Variants in RPL15 observed in about 807,000 individuals in gnomAD.
RPL15 encodes the protein large ribosomal subunit protein eL15.
For synonymous variants in RPL15, 97 were observed against 95.1 expected, an observed-to-expected ratio of 1.02 and a Z score of -0.12; for missense variants, 161 against 271.8, an observed-to-expected ratio of 0.59 and a Z score of 2.87.
In RPL15 at chr3:23,919,325, G is replaced by A. The variant is rs534301057; in HGVS notation, c.439G>A (p.Asp147Asn). 83 of 1,603,676 alleles carry A rather than the reference G, an allele frequency of 5.2e-5. 1 individual carries two copies. In the South Asian group the frequency reaches 9.0e-4, roughly 17 times the overall value. ...PFHKAIRRNP[D>N]TQWITKPVHK... is the part of the protein sequence containing the mutation. Reference sequence around the variant, plus strand: ...CCATAAAGCTATCAGAAGAAATCCTGACACCCAGTGGATCACCAAACCAGT... The same window carrying A: ...CCATAAAGCTATCAGAAGAAATCCTAACACCCAGTGGATCACCAAACCAGT... The change falls in exon 4 of 4, where the codon GAC (aspartate) becomes AAC (asparagine). Residue 147 changes from aspartate to asparagine, a missense_variant. By Grantham distance (23) the Asp-to-Asn change is conservative (BLOSUM62 1). Transcript: ENST00000307839.
chr3:23,924,030 G>A (rs1705164220), downstream of RPL15: 1 of 152,138 alleles, frequency 6.6e-6, no homozygotes, highest in Non-Finnish European at 1.5e-5. Context: ...TTCCCTCCAA[G>A]AAAAACAACA....
rs890597613 is a variant in RPL15 at position 23,920,394 on chromosome 3, T to C, written c.*893T>C. ...CACAAGCGCATGGTTTCCAACCATA[T>C]GTGTTTTCTGCAGTTATTTCTCTTG... On this transcript the variant is annotated 3_prime_UTR_variant, in exon 4 of 4. Transcript: ENST00000307839. 6 of 985,246 alleles carry C rather than the reference T, an allele frequency of 6.1e-6. No individual in the cohort carries two copies. The African/African-American group carries it at 7.0e-5, about 11-fold the overall frequency. 61.0% of individuals were successfully genotyped at this position (985,246 alleles called of 1,614,324 possible).
At chr3:23,921,729 C>T (rs960809575), downstream of RPL15, 8 of 629,600 alleles carry the variant, frequency 1.3e-5, no homozygotes, top group African/African-American at 1.1e-4. Flanking sequence ...CGCACACTGC[C>T]ATGCCCAGCT....
downstream of RPL15, chr3:23,923,558 CAT>C (rs1439417733): frequency 6.6e-6 from 1 of 152,144 alleles, no homozygotes; most frequent in Non-Finnish European, 1.5e-5. Context: ...GGTATCCCAT[CAT>C]GTGGATGTAC....
chr3:23,919,912 G>A lies in RPL15; in HGVS notation c.*411G>A, dbSNP rs1216580404. 6.1e-6 allele frequency: 6 copies of A among 991,548 alleles called. No homozygotes were observed. Among genetic ancestry groups the A allele is most frequent in the Non-Finnish European group, 7.2e-6 (6 of 833,812 alleles). The allele number at this position is 991,548 out of a possible 1,614,324, so 61.4% of individuals were successfully genotyped here. Reference sequence around the variant, plus strand: ...CTGCGTTTTTTTTAGTTTGGCAGGTGTAGACTTTTTAAGTTGGGCTTTAGA... The same window carrying A: ...CTGCGTTTTTTTTAGTTTGGCAGGTATAGACTTTTTAAGTTGGGCTTTAGA... On this transcript the variant is annotated 3_prime_UTR_variant, in exon 4 of 4. Coordinates refer to ENST00000307839, the MANE Select transcript of RPL15 (RefSeq NM_002948.5).
rs1358216325 is a variant in RPL15 at position 23,918,003 on chromosome 3, G to A, written c.144G>A (p.Ala48=). The A allele has an allele frequency of 5.6e-6, 9 of 1,610,416 alleles. No individual in the cohort carries two copies. The highest frequency in any genetic ancestry group is 6.8e-6 in the Non-Finnish European group (8 of 1,178,914). ...CCCGCCCCACCCGGCCTGATAAAGCGCGCCGACTGGGCTACAAGGCCAAGC... is the reference window on the plus strand; with the variant it reads ...CCCGCCCCACCCGGCCTGATAAAGCACGCCGACTGGGCTACAAGGCCAAGC... ...RAPRPTRPDK[A]RRLGYKAKQG... The change falls in exon 2 of 4, where the codon GCG becomes GCA. Residue 48 remains alanine, a synonymous_variant. Transcript: ENST00000307839.
At chr3:23,921,569 A>AGTTGT, downstream of RPL15, 3 of 512,706 alleles carry the variant, frequency 5.9e-6, no homozygotes, top group Middle Eastern at 5.3e-4. Flanking sequence ...TTGATTATTG[A>AGTTGT]GTTTTTTTTT....
At chr3:23,924,061 C>G (rs145134099), downstream of RPL15, 1 of 152,354 alleles carries the variant, frequency 6.6e-6, no homozygotes, top group Non-Finnish European at 1.5e-5. Flanking sequence ...CTCCTCCACA[C>G]TTCCCACAAC....
rs1307333347 is a variant in RPL15 at position 23,919,484 on chromosome 3, C to G, written c.598C>G (p.Leu200Val). The change falls in exon 4 of 4, where the codon CTC becomes GTC. Residue 200 changes from leucine (L) to valine (V), a missense_variant. Leu to Val is a conservative substitution (Grantham distance 32, BLOSUM62 1). Coordinates refer to ENST00000307839, the MANE Select transcript of RPL15 (RefSeq NM_002948.5). ...TTGGAGAAGGCGCAATACTCTCCAG[C>G]TCCACCGTTACCGCTAATATAAGTA... ...AAWRRRNTLQ[L>V]HRYR The G allele has an allele frequency of 6.3e-7, 1 of 1,576,514 alleles. No individual in the cohort carries two copies. Among genetic ancestry groups the G allele is most frequent in the Non-Finnish European group, 8.6e-7 (1 of 1,167,352 alleles).
downstream of RPL15, chr3:23,921,764 T>A: frequency 1.7e-6 from 1 of 597,838 alleles, no homozygotes; most frequent in South Asian, 2.0e-5. Flanking sequence ...TAGTAGAGAC[T>A]GGGTTTCACT....
rs183435722 is a variant in RPL15, at chr3:23,920,395, G to A, written c.*894G>A. The A allele has an allele frequency of 1.0e-6, 1 of 985,390 alleles. No individual in the cohort carries two copies. The highest frequency in any genetic ancestry group is 1.1e-4 in the East Asian group (1 of 8,820). 61.0% of individuals were successfully genotyped at this position (985,390 alleles called of 1,614,324 possible). A position where few individuals can be genotyped will look rare whatever the true frequency, so the allele number is the denominator to read the frequency against. ...ACAAGCGCATGGTTTCCAACCATAT[G>A]TGTTTTCTGCAGTTATTTCTCTTGT... On this transcript the variant is annotated 3_prime_UTR_variant, in exon 4 of 4. Transcript: ENST00000307839.
intron 3 of RPL15, chr3:23,918,814 G>A: frequency 1.8e-6 from 1 of 565,916 alleles, no homozygotes; most frequent in Non-Finnish European, 3.1e-6. Flanking sequence ...AGAATATGCA[G>A]AAGAGACCAA....
Position 23,919,894 on chromosome 3 carries a change from T to G in RPL15, c.*393T>G. The G allele has an allele frequency of 1.0e-6, 1 of 994,244 alleles. No individual in the cohort carries two copies. Among genetic ancestry groups the G allele is most frequent in the Non-Finnish European group, 1.2e-6 (1 of 835,768 alleles). The allele number at this position is 994,244 out of a possible 1,614,324, so 61.6% of individuals were successfully genotyped here. A position where few individuals can be genotyped will look rare whatever the true frequency, so the allele number is the denominator to read the frequency against. ...TGGTTTATTTTCAAGTGGCTGCGTTTTTTTTAGTTTGGCAGGTGTAGACTT... is the reference window on the plus strand; with the variant it reads ...TGGTTTATTTTCAAGTGGCTGCGTTGTTTTTAGTTTGGCAGGTGTAGACTT... On this transcript the variant is annotated 3_prime_UTR_variant, in exon 4 of 4. Coordinates refer to ENST00000307839, the MANE Select transcript of RPL15 (RefSeq NM_002948.5).
rs1248765836 is a variant in RPL15, at chr3:23,920,084, T to C, written c.*583T>C. 1.0e-6 allele frequency: 1 copy of C among 985,776 alleles called. No homozygotes were observed. Among genetic ancestry groups the C allele is most frequent in the African/African-American group, 1.7e-5 (1 of 57,218 alleles). The allele number at this position is 985,776 out of a possible 1,614,324, so 61.1% of individuals were successfully genotyped here. A position where few individuals can be genotyped will look rare whatever the true frequency, so the allele number is the denominator to read the frequency against. ...TGGTAAACACTGGTGTGTTTTGAAGTTGAATGTGCGATAAAATTATTAGCC... is the reference window on the plus strand; with the variant it reads ...TGGTAAACACTGGTGTGTTTTGAAGCTGAATGTGCGATAAAATTATTAGCC... On this transcript the variant is annotated 3_prime_UTR_variant, in exon 4 of 4. Transcript: ENST00000307839.
downstream of RPL15, chr3:23,921,570 GT>G (rs71622703): frequency 0.27 from 133,969 of 490,116 alleles, 10,520 homozygotes; most frequent in African/African-American, 0.41. Flanking sequence ...TGATTATTGA[GT>G]TTTTTTTTTT....
chr3:23,918,258 G>A, intron 2 of RPL15, 182 bp from the exon 3 acceptor site: 1 of 894,054 alleles, frequency 1.1e-6, no homozygotes, highest in Non-Finnish European at 1.7e-6. Flanking sequence ...TAAACAGTGT[G>A]CCTCCCTGTG....
chr3:23,923,219 CATT>C (rs1705145048), downstream of RPL15: 1 of 97,298 alleles, frequency 1.0e-5, no homozygotes, highest in African/African-American at 5.2e-5. Flanking sequence ...TGAGGAACTT[CATT>C]TTTTTTTTTT....
intron 3 of RPL15, 21 bp from the exon 4 acceptor site, chr3:23,919,175 G>T: frequency 6.4e-7 from 1 of 1,559,454 alleles, no homozygotes; most frequent in Non-Finnish European, 8.8e-7. Context: ...GATTGACCTT[G>T]GGCCTTTTTT....
chr3:23,917,932 G>A lies in RPL15; in HGVS notation c.73G>A (p.Val25Ile). 6.2e-7 allele frequency: 1 copy of A among 1,613,740 alleles called. No homozygotes were observed. Among genetic ancestry groups the A allele is most frequent in the Non-Finnish European group, 8.5e-7 (1 of 1,179,810 alleles). ...TGATGTCATGCGCTTTCTTCTGAGG[G>A]TCCGCTGCTGGCAGTACCGCCAGCT... Reference protein sequence around the residue: ...QSDVMRFLLRVRCWQYRQLSA... With the variant: ...QSDVMRFLLRIRCWQYRQLSA... The change falls in exon 2 of 4, where the codon GTC becomes ATC. Residue 25 changes from valine (V) to isoleucine (I), a missense_variant. Coordinates refer to ENST00000307839, the MANE Select transcript of RPL15 (RefSeq NM_002948.5).
Sources: allele counts gnomAD v4.1 joint callset, GRCh38; gene constraint gnomAD v4.1.1; transcripts MANE v1.5; gene names NCBI Gene and HGNC (gene_info 2026-07-23, HGNC 2026-07-21).